Variants in EEA1 observed in about 807,000 individuals in gnomAD.
EEA1 encodes the protein early endosome antigen 1, 162kD.
Under a neutral mutation model 209.2 loss-of-function variants are expected in EEA1, and 111 were observed. The observed-to-expected ratio is 0.53, with a 90% CI of 0.45 to 0.62. EEA1 has a LOEUF of 0.62. Among genes scored for constraint, EEA1 ranks in the 20% least tolerant of loss-of-function variants. The probability of loss-of-function intolerance (pLI) is 0.00; values close to 1 mark genes in which losing one functional copy is unlikely to be tolerated. For missense variants in EEA1, 1,343 were observed against 1,530.8 expected, an observed-to-expected ratio of 0.88 and a Z score of 2.05; for synonymous variants, 536 against 540.6, an observed-to-expected ratio of 0.99 and a Z score of 0.12.
chr12:92,797,207 C>G (rs1174923886), intron 21 of EEA1, among the ~76,000 whole-genome samples: 1 of 152,166 alleles, frequency 6.6e-6, no homozygotes, highest in Non-Finnish European at 1.5e-5. Flanking sequence ...CCTGCCTCAG[C>G]CTTCGGAGTA....
intron 10 of EEA1, among the ~76,000 whole-genome samples, chr12:92,833,055 C>T (rs1248253611): frequency 6.6e-6 from 1 of 151,858 alleles, no homozygotes; most frequent in Non-Finnish European, 1.5e-5. Context: ...CTAAAATCTA[C>T]TAATACAACT....
At chr12:92,817,946 C>G (rs1875871424) in intron 14 of EEA1, among the ~76,000 whole-genome samples, 1 of 152,256 alleles carries the variant, frequency 6.6e-6, no homozygotes, top group African/African-American at 2.4e-5. Flanking sequence ...CCACATCTTT[C>G]TTCTGATTGG....
intron 1 of EEA1, among the ~76,000 whole-genome samples, chr12:92,901,849 A>T (rs532154487): frequency 6.6e-6 from 1 of 152,210 alleles, no homozygotes; most frequent in African/African-American, 2.4e-5. Flanking sequence ...GATTACAGGC[A>T]TGAGCCACCG....
rs181139038 is a variant in EEA1 at position 92,910,072 on chromosome 12, G to C, written c.25-18351C>G. ...GCAGAAGAATCACTTGAACCCAAAAGGTGGAGGTTGCAGTGAGCCAAGATC... is the reference window on the plus strand; with the variant it reads ...GCAGAAGAATCACTTGAACCCAAAACGTGGAGGTTGCAGTGAGCCAAGATC... On this transcript the variant is annotated intron_variant, in intron 1 of 28. Coordinates refer to ENST00000322349, the MANE Select transcript of EEA1 (RefSeq NM_003566.4). Among the ~76,000 whole-genome samples, 732 of 152,286 alleles carry C rather than the reference G, an allele frequency of 4.8e-3. 2 individuals are homozygous for C. Among genetic ancestry groups the C allele is most frequent in the African/African-American group, 0.017 (693 of 41,558 alleles).
At chr12:92,866,604 T>C (rs974407702) in intron 2 of EEA1, among the ~76,000 whole-genome samples, 2 of 152,070 alleles carry the variant, frequency 1.3e-5, no homozygotes, top group Non-Finnish European at 2.9e-5. Context: ...GACCTCCTCC[T>C]CTTCTGACTC....
chr12:92,832,839 T>C lies in EEA1; in HGVS notation c.927A>G (p.Glu309=), dbSNP rs547401535. 6.2e-7 allele frequency: 1 copy of C among 1,602,182 alleles called. No individual in the cohort carries two copies. Among genetic ancestry groups the C allele is most frequent in the African/African-American group, 1.3e-5 (1 of 74,376 alleles). The change falls in exon 11 of 29, where the codon GAA becomes GAG. Residue 309 remains glutamate (E), a synonymous_variant. Transcript: ENST00000322349. ...AGTCTTGTTCTTTTTTCAGCAAGTT[T>C]TCTGTCAAGGTCTAAAATATCAATT... ...ELTQKNQTLT[E]NLLKKEQDYT...
intron 5 of EEA1, among the ~76,000 whole-genome samples, chr12:92,855,448 A>T (rs1289654246): frequency 6.6e-6 from 1 of 151,996 alleles, no homozygotes; most frequent in African/African-American, 2.4e-5. Flanking sequence ...AAAAAAAAAA[A>T]AAATGCTATC....
At chr12:92,834,523 C>T (rs1221974941) in intron 10 of EEA1, among the ~76,000 whole-genome samples, 1 of 102,008 alleles carries the variant, frequency 9.8e-6, no homozygotes, top group Non-Finnish European at 1.8e-5. Flanking sequence ...CCAGCCTGGG[C>T]AACAAGGGCA....
chr12:92,819,530 T>C lies in EEA1; in HGVS notation c.1525-19A>G. The C allele has an allele frequency of 6.5e-7, 1 of 1,535,866 alleles. No individual in the cohort carries two copies. ...AATCATTCTGTAAAGAATTGAAAAC[T>C]ACTACTTTAAGAATAGAGAACTTAA... On this transcript the variant is annotated intron_variant, in intron 13 of 28. Coordinates refer to ENST00000322349, the MANE Select transcript of EEA1 (RefSeq NM_003566.4).
rs560839895 is a variant in EEA1, at chr12:92,855,590, A to G, written c.367-1636T>C. Among the ~76,000 whole-genome samples the G allele has an allele frequency of 2.2e-3, 341 of 152,186 alleles. 2 individuals are homozygous for G. Among genetic ancestry groups the G allele is most frequent in the Non-Finnish European group, 3.5e-3 (240 of 68,032 alleles). On this transcript the variant is annotated intron_variant, in intron 5 of 28. Transcript: ENST00000322349. ...TCACATGTATTAGGAACAAAATAAT[A>G]TACTACCTTGGCATTATTTTTATAT...
At chr12:92,873,467 C>T (rs921317955) in intron 2 of EEA1, among the ~76,000 whole-genome samples, 5 of 152,056 alleles carry the variant, frequency 3.3e-5, no homozygotes, top group East Asian at 1.9e-4. Flanking sequence ...AACTATTGTG[C>T]CTGATGATAC....
intron 10 of EEA1, among the ~76,000 whole-genome samples, chr12:92,834,696 G>C (rs1276559388): frequency 6.6e-6 from 1 of 151,798 alleles, no homozygotes; most frequent in Non-Finnish European, 1.5e-5. Context: ...AAGACATAGA[G>C]CCAAGAAAAT....
Position 92,775,946 on chromosome 12 carries a change from C to T in EEA1, c.*65G>A. ...CAAACCAAATAGTAGTCCAAGACCTCTATTAAGTACATTTATTAAAAATCT... is the reference window on the plus strand; with the variant it reads ...CAAACCAAATAGTAGTCCAAGACCTTTATTAAGTACATTTATTAAAAATCT... On this transcript the variant is annotated 3_prime_UTR_variant, in exon 29 of 29. Transcript: ENST00000322349. 1 of 1,555,990 alleles carries T rather than the reference C, an allele frequency of 6.4e-7. No individual in the cohort carries two copies. Among genetic ancestry groups the T allele is most frequent in the Non-Finnish European group, 8.7e-7 (1 of 1,146,750 alleles).
intron 11 of EEA1, among the ~76,000 whole-genome samples, chr12:92,831,756 CA>C (rs955076802): frequency 2.1e-4 from 32 of 150,986 alleles, no homozygotes; most frequent in Non-Finnish European, 3.7e-4. Context: ...TATTTATTTT[CA>C]AAAAAGTTTT....
chr12:92,862,282 C>T (rs1255315602), intron 3 of EEA1, among the ~76,000 whole-genome samples: 2 of 152,148 alleles, frequency 1.3e-5, no homozygotes, highest in Non-Finnish European at 2.9e-5. Context: ...AGAGCAATGC[C>T]AATCAAATTT....
At chr12:92,845,256 AC>A (rs1175606798) in intron 9 of EEA1, among the ~76,000 whole-genome samples, 9 of 152,144 alleles carry the variant, frequency 5.9e-5, no homozygotes, top group Admixed American at 4.6e-4. Flanking sequence ...CCAGAGGCCA[AC>A]TTTAGTTATG....
At chr12:92,828,240 T>G (rs1876414502) in intron 11 of EEA1, among the ~76,000 whole-genome samples, 179 bp from the exon 12 acceptor site, 1 of 151,968 alleles carries the variant, frequency 6.6e-6, no homozygotes, top group East Asian at 1.9e-4. Context: ...ATTTTAATCA[T>G]ATATTATAAT....
At chr12:92,862,221 C>T (rs1878185724) in intron 3 of EEA1, among the ~76,000 whole-genome samples, 1 of 23,374 alleles carries the variant, frequency 4.3e-5, no homozygotes, top group African/African-American at 2.7e-4. Context: ...AAAACGGAAA[C>T]GCATGCAGTA....
At chr12:92,877,079 G>GT in intron 2 of EEA1, among the ~76,000 whole-genome samples, 1 of 150,620 alleles carries the variant, frequency 6.6e-6, no homozygotes, top group Non-Finnish European at 1.5e-5. Flanking sequence ...GAGTAGCTGG[G>GT]ATTACAGGCA....
Sources: gnomAD v4.1 joint callset for allele counts (sites outside exome capture counted in the v4.1 genomes callset) on GRCh38, gnomAD v4.1.1 for gene constraint, MANE v1.5 for transcripts, NCBI Gene and HGNC (gene_info 2026-07-23, HGNC 2026-07-21) for gene names.